MYO3B: variants seen among roughly 807,000 people sequenced by gnomAD.
The protein encoded by MYO3B is myosin IIIB, also known as myosin-IIIb.
A neutral mutation model predicts 174.6 loss-of-function variants in MYO3B; 156 were observed. The ratio of observed to expected loss-of-function variants is 0.89; its 90% CI spans 0.78 to 1.02. The LOEUF is 1.02. MYO3B is among the 50% of genes least tolerant of loss of function. MYO3B has a pLI of 0.00. For synonymous variants in MYO3B, 563 were observed against 569.1 expected (o/e 0.99, Z 0.15); for missense variants, 1,632 against 1,639.4 (o/e 1.00, Z 0.08).
At chr2:170,593,281 T>G (rs1309501434) in intron 32 of MYO3B, among the ~76,000 whole-genome samples, 1 of 152,172 alleles carries the variant, frequency 6.6e-6, no homozygotes, top group Non-Finnish European at 1.5e-5. Context: ...TAAATTATTT[T>G]TTGTAGGGAC....
chr2:170,437,182 C>T (rs2094760596), intron 22 of MYO3B, among the ~76,000 whole-genome samples: 1 of 151,402 alleles, frequency 6.6e-6, no homozygotes, highest in African/African-American at 2.5e-5. Flanking sequence ...GCCCCCAGGA[C>T]TCAGAAGCTG....
intron 32 of MYO3B, among the ~76,000 whole-genome samples, chr2:170,620,412 C>A (rs1695814794): frequency 6.6e-6 from 1 of 152,212 alleles, no homozygotes; most frequent in South Asian, 2.1e-4. Flanking sequence ...CTATATTAGG[C>A]AAGTCATCAA....
chr2:170,593,340 C>A (rs911572340), intron 32 of MYO3B, among the ~76,000 whole-genome samples: 5 of 152,276 alleles, frequency 3.3e-5, no homozygotes, highest in African/African-American at 1.2e-4. Context: ...TGGGCTCACG[C>A]GATCCTCCCA....
At chr2:170,358,863 G>A (rs1473782264) in intron 8 of MYO3B, among the ~76,000 whole-genome samples, 1 of 152,068 alleles carries the variant, frequency 6.6e-6, no homozygotes, top group Non-Finnish European at 1.5e-5. Flanking sequence ...AGTTGTTCAG[G>A]AGCAAGTTCT....
Position 170,638,987 on chromosome 2 carries a change from G to A in MYO3B, c.3734-12641G>A, listed in dbSNP as rs868407555. 2.6e-5 allele frequency among the ~76,000 whole-genome samples: 4 copies of A among 152,262 alleles called. No homozygotes were observed. In the South Asian group the frequency reaches 8.3e-4, roughly 32 times the overall value. ...CCCCTTGCACACTCACAGTAGAACT[G>A]GAACTAGCTCCTCAAAGAGTGAGGC... On this transcript the variant is annotated intron_variant, in intron 32 of 34. Transcript: ENST00000408978.
At chr2:170,368,831 T>C (rs944154487) in intron 8 of MYO3B, among the ~76,000 whole-genome samples, 4 of 151,682 alleles carry the variant, frequency 2.6e-5, no homozygotes, top group African/African-American at 9.7e-5. Flanking sequence ...GAGGTGATAG[T>C]ATTTAATTCT....
At chr2:170,474,528 G>A (rs1164193954) in intron 25 of MYO3B, among the ~76,000 whole-genome samples, 1 of 151,598 alleles carries the variant, frequency 6.6e-6, no homozygotes, top group African/African-American at 2.4e-5. Flanking sequence ...CCTGAGGTCG[G>A]GAGTTGAAGA....
chr2:170,600,721 T>G (rs6433221), intron 32 of MYO3B, among the ~76,000 whole-genome samples: 39,309 of 152,126 alleles, frequency 0.26, 8,321 homozygotes, highest in African/African-American at 0.59. Context: ...ATGCTTTTGG[T>G]GATACATTCT....
intron 25 of MYO3B, among the ~76,000 whole-genome samples, chr2:170,478,392 C>CCATT (rs1362552686): frequency 6.6e-6 from 1 of 152,058 alleles, no homozygotes; most frequent in Non-Finnish European, 1.5e-5. Context: ...TCCTTACAAT[C>CCATT]CATTCATTTC....
chr2:170,423,826 G>GA (rs2094638709), intron 22 of MYO3B, among the ~76,000 whole-genome samples: 1 of 151,960 alleles, frequency 6.6e-6, no homozygotes, highest in East Asian at 1.9e-4. Context: ...TGATCCGCCT[G>GA]CCTTGGCCTC....
intron 30 of MYO3B, among the ~76,000 whole-genome samples, chr2:170,535,469 T>C (rs1689631729): frequency 6.6e-6 from 1 of 152,140 alleles, no homozygotes; most frequent in Non-Finnish European, 1.5e-5. Flanking sequence ...CCTAGCAAAT[T>C]TTCTAGAACT....
intron 1 of MYO3B, among the ~76,000 whole-genome samples, chr2:170,195,724 C>T (rs988250287): frequency 2.6e-5 from 4 of 152,094 alleles, no homozygotes; most frequent in Non-Finnish European, 4.4e-5. Context: ...GAGTCTGGAG[C>T]CCCCAAGGCG....
intron 32 of MYO3B, among the ~76,000 whole-genome samples, chr2:170,593,251 C>T (rs1254059463): frequency 6.6e-6 from 1 of 152,104 alleles, no homozygotes; most frequent in Admixed American, 6.5e-5. Context: ...GAGCTTGCCA[C>T]CACACTTGGC....
chr2:170,330,740 C>T (rs575890145), intron 7 of MYO3B, among the ~76,000 whole-genome samples: 1 of 152,176 alleles, frequency 6.6e-6, no homozygotes, highest in Non-Finnish European at 1.5e-5. Flanking sequence ...GACCTGGCGA[C>T]ATTTGGGCTT....
intron 32 of MYO3B, among the ~76,000 whole-genome samples, chr2:170,594,633 G>A (rs556308041): frequency 1.1e-4 from 17 of 152,228 alleles, no homozygotes; most frequent in African/African-American, 4.1e-4. Context: ...CCTGAGGCTG[G>A]CAGGGCCTGA....
chr2:170,623,689 G>C (rs540067512), intron 32 of MYO3B, among the ~76,000 whole-genome samples: 18 of 152,288 alleles, frequency 1.2e-4, no homozygotes, highest in Non-Finnish European at 2.1e-4. Context: ...TTTTCTTCTA[G>C]AGTTTTTATG....
At chr2:170,483,372 A>ATTTTTTTTT (rs1219069017) in intron 25 of MYO3B, among the ~76,000 whole-genome samples, 23 of 74,672 alleles carry the variant, frequency 3.1e-4, no homozygotes, top group Non-Finnish European at 5.5e-4. Flanking sequence ...TTGCTTGGGG[A>ATTTTTTTTT]TTCTTTTTTT....
chr2:170,356,255 C>G (rs2094120052), intron 8 of MYO3B, among the ~76,000 whole-genome samples: 2 of 152,012 alleles, frequency 1.3e-5, no homozygotes. Context: ...GCCACCGCGC[C>G]TGGCCAACAG....
chr2:170,468,121 C>G (rs1029054678), intron 25 of MYO3B, among the ~76,000 whole-genome samples: 1 of 152,106 alleles, frequency 6.6e-6, no homozygotes. Context: ...CTGAGGATAT[C>G]AAAGATTTCT....
Sources: gnomAD v4.1 joint callset for allele counts (sites outside exome capture counted in the v4.1 genomes callset) on GRCh38, gnomAD v4.1.1 for gene constraint, MANE v1.5 for transcripts, NCBI Gene and HGNC (gene_info 2026-07-23, HGNC 2026-07-21) for gene names.